The following SEMA3E variants were observed in gnomAD, a reference collection of about 807,000 sequenced individuals.
SEMA3E encodes semaphorin 3E.
In SEMA3E, 49 loss-of-function variants were observed where a neutral mutation model predicts 93.6. The observed-to-expected ratio is 0.52, with a 90% confidence interval of 0.42 to 0.66. The LOEUF (loss-of-function observed/expected upper bound fraction) is 0.66. Ranked by LOEUF, SEMA3E falls within the 30% of genes least tolerant of loss-of-function variation. SEMA3E has a pLI of 0.00. For synonymous variants in SEMA3E, 363 were observed against 330.7 expected (o/e 1.10, Z -1.06); for missense variants, 906 against 964.8 (o/e 0.94, Z 0.81).
intron 1 of SEMA3E, among the ~76,000 whole-genome samples, chr7:83,553,887 A>G (rs1442878612): frequency 6.6e-6 from 1 of 152,148 alleles, no homozygotes; most frequent in African/African-American, 2.4e-5. Flanking sequence ...AAAATATGCA[A>G]GAGTTGAGAG....
chr7:83,398,101 T>C (rs1241408485), intron 11 of SEMA3E, among the ~76,000 whole-genome samples: 1 of 152,182 alleles, frequency 6.6e-6, no homozygotes, highest in Non-Finnish European at 1.5e-5. Context: ...ATTTCATTCA[T>C]TAAACATGTT....
chr7:83,585,692 T>A (rs1792613165), intron 1 of SEMA3E, among the ~76,000 whole-genome samples: 1 of 152,310 alleles, frequency 6.6e-6, no homozygotes, highest in African/African-American at 2.4e-5. Flanking sequence ...TTAATATATT[T>A]TCTATTTTAT....
At chr7:83,456,198 C>T (rs1033318456) in intron 4 of SEMA3E, among the ~76,000 whole-genome samples, 1 of 152,180 alleles carries the variant, frequency 6.6e-6, no homozygotes, top group Non-Finnish European at 1.5e-5. Context: ...AAGGTCTTTG[C>T]CAATTCTCTA....
chr7:83,391,757 C>T (rs1004523471), intron 14 of SEMA3E, among the ~76,000 whole-genome samples: 6 of 152,104 alleles, frequency 3.9e-5, no homozygotes, highest in African/African-American at 1.4e-4. Flanking sequence ...AAAATGTTTA[C>T]AGAAAAGTAA....
At chr7:83,611,249 AT>A (rs1793247635) in intron 1 of SEMA3E, among the ~76,000 whole-genome samples, 4 of 144,050 alleles carry the variant, frequency 2.8e-5, no homozygotes, top group African/African-American at 1.0e-4. Flanking sequence ...CTCCATATAT[AT>A]TTATATATAT....
intron 2 of SEMA3E, among the ~76,000 whole-genome samples, chr7:83,474,962 T>C (rs1789978984): frequency 6.6e-6 from 1 of 151,562 alleles, no homozygotes; most frequent in African/African-American, 2.4e-5. Flanking sequence ...CATGTGCATG[T>C]ATATATAGAC....
At chr7:83,488,848 T>A (rs1790321539) in intron 2 of SEMA3E, among the ~76,000 whole-genome samples, 1 of 151,986 alleles carries the variant, frequency 6.6e-6, no homozygotes, top group Non-Finnish European at 1.5e-5. Flanking sequence ...TTGTACTACA[T>A]TGAGAGGAGT....
At position 83,363,859 on chromosome 7, in the gene SEMA3E, C is replaced by CTTTTTTTTTTTTTTTTTTTTTTTTT. The variant is rs1562743425; in HGVS notation, c.*3726_*3727insAAAAAAAAAAAAAAAAAAAAAAAAA. 1 of 100,558 alleles carries CTTTTTTTTTTTTTTTTTTTTTTTTT rather than the reference C, an allele frequency of 9.9e-6. No individual in the cohort carries two copies. The highest frequency in any genetic ancestry group is 4.7e-5 in the African/African-American group (1 of 21,430). The allele number at this position is 100,558 out of a possible 1,614,324, so 6.2% of individuals were successfully genotyped here. A position where few individuals can be genotyped will look rare whatever the true frequency, so the allele number is the denominator to read the frequency against. On this transcript the variant is annotated 3_prime_UTR_variant, in exon 17 of 17. Transcript: ENST00000643230. ...AGGCTACAGGTGTCACAGGTCAATT[C>CTTTTTTTTTTTTTTTTTTTTTTTTT]ATTTTTTTTTTTTTTTTTTTTTTTT...
chr7:83,623,215 A>G (rs1793601823), intron 1 of SEMA3E, among the ~76,000 whole-genome samples: 1 of 152,156 alleles, frequency 6.6e-6, no homozygotes, highest in Non-Finnish European at 1.5e-5. Flanking sequence ...TAATGATGAC[A>G]ACAATATAAT....
At chr7:83,504,516 C>T (rs1343317278) in intron 1 of SEMA3E, among the ~76,000 whole-genome samples, 1 of 152,036 alleles carries the variant, frequency 6.6e-6, no homozygotes, top group Non-Finnish European at 1.5e-5. Flanking sequence ...TAATAGGCCC[C>T]CTGGGTACGT....
intron 4 of SEMA3E, among the ~76,000 whole-genome samples, chr7:83,427,469 T>C (rs532986600): frequency 6.6e-6 from 1 of 152,260 alleles, no homozygotes; most frequent in South Asian, 2.1e-4. Context: ...GCAACTGAGA[T>C]GTGGAAATTT....
intron 11 of SEMA3E, among the ~76,000 whole-genome samples, chr7:83,396,997 G>A (rs927662487): frequency 3.3e-5 from 5 of 151,612 alleles, no homozygotes; most frequent in East Asian, 2.0e-4. Context: ...AAGGAGAATT[G>A]CTTGAACCTG....
intron 14 of SEMA3E, among the ~76,000 whole-genome samples, chr7:83,389,670 T>C (rs10232760): frequency 0.091 from 13,564 of 149,800 alleles, 2,089 homozygotes; most frequent in African/African-American, 0.31. Context: ...CATACACACA[T>C]ATACACGTAT....
chr7:83,414,595 C>T lies in SEMA3E; in HGVS notation c.550+3795G>A, dbSNP rs1056872163. ...AAAAAGTGTAGGAAAAATTCATGGACTATAAAATGTCTTATTAGTGATTAT... is the reference window on the plus strand; with the variant it reads ...AAAAAGTGTAGGAAAAATTCATGGATTATAAAATGTCTTATTAGTGATTAT... On this transcript the variant is annotated intron_variant, in intron 5 of 16. Coordinates refer to ENST00000643230, the MANE Select transcript of SEMA3E (RefSeq NM_012431.3). 1.1e-4 allele frequency among the ~76,000 whole-genome samples: 17 copies of T among 151,976 alleles called. No homozygotes were observed. The East Asian group carries it at 3.3e-3, about 29-fold the overall frequency.
chr7:83,394,217 A>T, intron 13 of SEMA3E, 80 bp downstream of exon 13: 1 of 1,420,956 alleles, frequency 7.0e-7, no homozygotes, highest in Non-Finnish European at 9.9e-7. Context: ...CACATGTACT[A>T]ATGTTCTCAT....
At chr7:83,635,873 C>G (rs984564129) in intron 1 of SEMA3E, among the ~76,000 whole-genome samples, 3 of 117,858 alleles carry the variant, frequency 2.5e-5, no homozygotes, top group Non-Finnish European at 5.1e-5. Flanking sequence ...TGCACAGAGA[C>G]AGACTGACAA....
intron 1 of SEMA3E, among the ~76,000 whole-genome samples, chr7:83,517,310 G>C (rs534315782): frequency 6.6e-6 from 1 of 152,282 alleles, no homozygotes; most frequent in South Asian, 2.1e-4. Context: ...AGCAGAGGAA[G>C]AGTAAGCAAT....
At chr7:83,407,783 G>T (rs2115652008) in intron 6 of SEMA3E, among the ~76,000 whole-genome samples, 1 of 152,232 alleles carries the variant, frequency 6.6e-6, no homozygotes, top group South Asian at 2.1e-4. Context: ...GATATGGTAT[G>T]TAAAATATAT....
intron 1 of SEMA3E, among the ~76,000 whole-genome samples, chr7:83,521,085 AT>A (rs34057743): frequency 0.085 from 12,301 of 144,276 alleles, 543 homozygotes; most frequent in South Asian, 0.21. Context: ...AACTTTTAAG[AT>A]TTTTTTTTTT....
Sources: gnomAD v4.1 joint callset for allele counts (sites outside exome capture counted in the v4.1 genomes callset) on GRCh38, gnomAD v4.1.1 for gene constraint, MANE v1.5 for transcripts, NCBI Gene and HGNC (gene_info 2026-07-23, HGNC 2026-07-21) for gene names.